TRPC7: variants seen among roughly 807,000 people sequenced by gnomAD.
The protein encoded by TRPC7 is transient receptor potential cation channel subfamily C member 7.
A neutral mutation model predicts 90.1 loss-of-function variants in TRPC7; 42 were observed. That is an observed-to-expected ratio of 0.47 (90% confidence interval 0.36 to 0.60). TRPC7 has a LOEUF of 0.60. Among genes scored for constraint, TRPC7 ranks in the 20% least tolerant of loss-of-function variants. The pLI is 0.00. For missense variants in TRPC7, 955 were observed against 1,112.3 expected (o/e 0.86, Z 2.01); for synonymous variants, 451 against 436.3 (o/e 1.03, Z -0.42).
intron 2 of TRPC7, among the ~76,000 whole-genome samples, chr5:136,352,556 G>A (rs1015016404): frequency 2.0e-5 from 3 of 152,074 alleles, no homozygotes; most frequent in Non-Finnish European, 4.4e-5. Context: ...TTACCCAACT[G>A]AGGTAGACAA....
intron 3 of TRPC7, among the ~76,000 whole-genome samples, chr5:136,303,344 T>C (rs894155766): frequency 4.6e-4 from 70 of 152,264 alleles, no homozygotes; most frequent in African/African-American, 1.6e-3. Flanking sequence ...TGACATTAAA[T>C]AAAACTCCAA....
chr5:136,301,003 A>T (rs1003227500), intron 3 of TRPC7, among the ~76,000 whole-genome samples: 2 of 152,186 alleles, frequency 1.3e-5, no homozygotes, highest in African/African-American at 4.8e-5. Context: ...AAAGAATTGG[A>T]TTACAAATTC....
At chr5:136,289,642 CG>C (rs1433683948) in intron 3 of TRPC7, among the ~76,000 whole-genome samples, 2 of 152,168 alleles carry the variant, frequency 1.3e-5, no homozygotes, top group Non-Finnish European at 2.9e-5. Flanking sequence ...ACAAAGCGGC[CG>C]GGAAGCTCGA....
At chr5:136,350,829 C>T (rs549749839) in intron 2 of TRPC7, among the ~76,000 whole-genome samples, 2 of 152,196 alleles carry the variant, frequency 1.3e-5, no homozygotes. Context: ...CCTCTACTCA[C>T]ACTTCTGCAT....
intron 2 of TRPC7, among the ~76,000 whole-genome samples, chr5:136,355,215 C>T (rs1033354947): frequency 6.6e-6 from 1 of 152,170 alleles, no homozygotes; most frequent in African/African-American, 2.4e-5. Context: ...CTGCAGTGGG[C>T]AATCCTTTAT....
chr5:136,230,687 T>C (rs533261860), intron 8 of TRPC7, among the ~76,000 whole-genome samples: 4 of 152,370 alleles, frequency 2.6e-5, no homozygotes, highest in South Asian at 4.1e-4. Flanking sequence ...CAATAGCTTA[T>C]GGTTCATGCC....
At chr5:136,288,001 G>C (rs1172251870) in intron 3 of TRPC7, among the ~76,000 whole-genome samples, 1 of 152,144 alleles carries the variant, frequency 6.6e-6, no homozygotes, top group Non-Finnish European at 1.5e-5. Context: ...TAAATGCTAA[G>C]AGCCAACATT....
chr5:136,238,595 T>A (rs2149800220), intron 7 of TRPC7, among the ~76,000 whole-genome samples: 1 of 141,538 alleles, frequency 7.1e-6, no homozygotes, highest in Non-Finnish European at 1.6e-5. Flanking sequence ...TGAATTTTAG[T>A]GCATAAAAAG....
At chr5:136,308,838 C>T (rs551890945) in intron 3 of TRPC7, among the ~76,000 whole-genome samples, 57 of 152,334 alleles carry the variant, frequency 3.7e-4, no homozygotes, top group Admixed American at 3.2e-3. Context: ...TGTCCCATAT[C>T]AGCAGGCGGA....
intron 3 of TRPC7, among the ~76,000 whole-genome samples, chr5:136,286,635 C>T (rs148724776): frequency 1.0e-3 from 156 of 152,342 alleles, no homozygotes; most frequent in African/African-American, 3.6e-3. Context: ...CCAGCTGAAT[C>T]CTGCCTGATT....
chr5:136,263,525 G>A (rs1310102699), intron 5 of TRPC7, among the ~76,000 whole-genome samples: 1 of 152,156 alleles, frequency 6.6e-6, no homozygotes, highest in Non-Finnish European at 1.5e-5. Context: ...GATGGAGTTA[G>A]GAGTCAAGAC....
intron 7 of TRPC7, among the ~76,000 whole-genome samples, chr5:136,245,002 C>G (rs1009097798): frequency 1.3e-5 from 2 of 152,196 alleles, no homozygotes; most frequent in African/African-American, 4.8e-5. Context: ...ATTGAAGGCT[C>G]ACTTTATGCC....
At chr5:136,359,686 C>G (rs963084425) in intron 1 of TRPC7, among the ~76,000 whole-genome samples, 6 of 151,888 alleles carry the variant, frequency 4.0e-5, no homozygotes, top group African/African-American at 1.5e-4. Context: ...GTTACTGAGT[C>G]GAAAGCTAAG....
intron 5 of TRPC7, among the ~76,000 whole-genome samples, chr5:136,253,209 G>A (rs369954871): frequency 3.3e-5 from 5 of 152,220 alleles, no homozygotes; most frequent in African/African-American, 9.6e-5. Flanking sequence ...ATGGCTTTTA[G>A]AACATTTAAA....
intron 2 of TRPC7, among the ~76,000 whole-genome samples, chr5:136,339,565 G>A (rs534383314): frequency 1.3e-5 from 2 of 151,984 alleles, no homozygotes; most frequent in African/African-American, 4.8e-5. Flanking sequence ...TTGCATTCTG[G>A]TGACCAACTA....
chr5:136,225,666 G>C (rs1755602857), intron 9 of TRPC7, among the ~76,000 whole-genome samples: 1 of 152,128 alleles, frequency 6.6e-6, no homozygotes, highest in South Asian at 2.1e-4. Context: ...AGGAAAGCCA[G>C]ACAGTGGGAA....
chr5:136,321,275 C>A (rs2149841632), intron 2 of TRPC7, among the ~76,000 whole-genome samples: 1 of 152,208 alleles, frequency 6.6e-6, no homozygotes, highest in East Asian at 1.9e-4. Flanking sequence ...TTGGGGGAAA[C>A]AAAATGTGGG....
At chr5:136,310,991 A>G (rs1758809430) in intron 3 of TRPC7, among the ~76,000 whole-genome samples, 1 of 152,134 alleles carries the variant, frequency 6.6e-6, no homozygotes, top group East Asian at 1.9e-4. Flanking sequence ...ATGAAGTAAT[A>G]TATTTTGGAA....
chr5:136,242,828 C>G (rs545075241), intron 7 of TRPC7, among the ~76,000 whole-genome samples: 1 of 152,166 alleles, frequency 6.6e-6, no homozygotes, highest in Non-Finnish European at 1.5e-5. Flanking sequence ...GGAAGTCCCA[C>G]GTTTAGCCAC....
Sources: gnomAD v4.1 joint callset for allele counts (sites outside exome capture counted in the v4.1 genomes callset) on GRCh38, gnomAD v4.1.1 for gene constraint, MANE v1.5 for transcripts, NCBI Gene and HGNC (gene_info 2026-07-23, HGNC 2026-07-21) for gene names.